GNAQ: variants seen among roughly 807,000 people sequenced by gnomAD.
The protein encoded by GNAQ is guanine nucleotide-binding protein G(q) subunit alpha.
In GNAQ, 8 loss-of-function variants were observed where a neutral mutation model predicts 43.9. The observed-to-expected ratio is 0.18, with a 90% CI of 0.11 to 0.33. The LOEUF (loss-of-function observed/expected upper bound fraction) is 0.33, where lower values mean the gene tolerates loss of function less well. Ranked by LOEUF, GNAQ falls within the 10% of genes least tolerant of loss-of-function variation. The pLI is 1.00. For missense variants in GNAQ, 158 were observed against 450.8 expected, an observed-to-expected ratio of 0.35 and a Z score of 5.88; for synonymous variants, 155 against 170.7, an observed-to-expected ratio of 0.91 and a Z score of 0.71.
At chr9:77,738,822 C>A (rs1005769520) in intron 5 of GNAQ, among the ~76,000 whole-genome samples, 1 of 152,046 alleles carries the variant, frequency 6.6e-6, no homozygotes, top group African/African-American at 2.4e-5. Context: ...GGACTGTGAA[C>A]CCTAGATGTA....
chr9:77,985,797 A>G (rs1564170932), intron 1 of GNAQ, among the ~76,000 whole-genome samples: 1 of 152,054 alleles, frequency 6.6e-6, no homozygotes, highest in Admixed American at 6.5e-5. Context: ...TGTGTTGGTC[A>G]GGCTGGTCTC....
chr9:77,983,351 A>G (rs1823392618), intron 1 of GNAQ, among the ~76,000 whole-genome samples: 1 of 152,134 alleles, frequency 6.6e-6, no homozygotes, highest in Non-Finnish European at 1.5e-5. Context: ...AAAATCTTCT[A>G]AAGGACTTGT....
intron 2 of GNAQ, among the ~76,000 whole-genome samples, chr9:77,862,329 C>A (rs983083372): frequency 1.1e-4 from 16 of 152,182 alleles, no homozygotes; most frequent in Non-Finnish European, 2.2e-4. Flanking sequence ...ATGAGGGCCC[C>A]ACCCTGCAGC....
intron 2 of GNAQ, among the ~76,000 whole-genome samples, chr9:77,863,179 A>AAAGGAAGGAAGGCAGG (rs1827884203): frequency 3.8e-5 from 5 of 130,030 alleles, no homozygotes; most frequent in Admixed American, 8.1e-5. Flanking sequence ...CGTATGAAAG[A>AAAGGAAGGAAGGCAGG]AAGGAAGGAA....
At chr9:78,018,266 A>G (rs1823863563) in intron 1 of GNAQ, among the ~76,000 whole-genome samples, 1 of 152,176 alleles carries the variant, frequency 6.6e-6, no homozygotes, top group Non-Finnish European at 1.5e-5. Flanking sequence ...AAGTCTACAT[A>G]GCCACATAAA....
chr9:77,773,784 GAAT>G (rs1044455384), intron 5 of GNAQ, among the ~76,000 whole-genome samples: 2 of 152,192 alleles, frequency 1.3e-5, no homozygotes, highest in African/African-American at 4.8e-5. Context: ...AACTGAGGCA[GAAT>G]AAGACCTGAA....
chr9:77,745,741 T>A lies in GNAQ; in HGVS notation c.736-17074A>T, dbSNP rs1024523083. ...AAATAAAAAAATTTTAAAAAATATT[T>A]AAAAAATTTCAGAAAAATAAAAAAA... is the stretch of plus-strand genomic sequence containing the variant. On this transcript the variant is annotated intron_variant, in intron 5 of 6. Coordinates refer to ENST00000286548, the MANE Select transcript of GNAQ (RefSeq NM_002072.5). Among the ~76,000 whole-genome samples the A allele has an allele frequency of 2.0e-5, 3 of 151,684 alleles. 1 individual carries two copies. Among genetic ancestry groups the A allele is most frequent in the Middle Eastern group, 6.8e-3 (2 of 294 alleles).
chr9:77,947,470 T>C (rs995567965), intron 1 of GNAQ, among the ~76,000 whole-genome samples: 1 of 152,210 alleles, frequency 6.6e-6, no homozygotes, highest in South Asian at 2.1e-4. Flanking sequence ...TGACTGGTTG[T>C]GTATGCATGT....
intron 5 of GNAQ, among the ~76,000 whole-genome samples, chr9:77,790,430 A>G (rs1826549714): frequency 6.6e-6 from 1 of 152,206 alleles, no homozygotes; most frequent in Admixed American, 6.5e-5. Flanking sequence ...GAGTAACTTC[A>G]AAATGGCTTC....
rs1032225981 is a variant in GNAQ, at chr9:77,717,527, A to T, written c.*3796T>A. 4.3e-6 allele frequency: 1 copy of T among 232,236 alleles called. No homozygotes were observed. The highest frequency in any genetic ancestry group is 2.2e-5 in the African/African-American group (1 of 45,264). 14.4% of individuals were successfully genotyped at this position (232,236 alleles called of 1,614,324 possible). On this transcript the variant is annotated 3_prime_UTR_variant, in exon 7 of 7. Transcript: ENST00000286548. Reference sequence around the variant, plus strand: ...CTTCCCATTATTTATTTTTTTGCAAATAAGTCATTTTGACCCAAATCCAGC... The same window carrying T: ...CTTCCCATTATTTATTTTTTTGCAATTAAGTCATTTTGACCCAAATCCAGC...
At chr9:77,942,934 C>T (rs1388686797) in intron 1 of GNAQ, among the ~76,000 whole-genome samples, 1 of 152,160 alleles carries the variant, frequency 6.6e-6, no homozygotes, top group Non-Finnish European at 1.5e-5. Flanking sequence ...GCACTTGGAT[C>T]CAATAATTAA....
At chr9:77,761,256 C>A in intron 5 of GNAQ, among the ~76,000 whole-genome samples, 1 of 140,408 alleles carries the variant, frequency 7.1e-6, no homozygotes, top group African/African-American at 2.7e-5. Flanking sequence ...GGCCAGCCAC[C>A]CTGTCCGGGA....
rs1045780992 is a variant in GNAQ at position 77,804,957 on chromosome 9, C to T, written c.477-7309G>A. 3.9e-5 allele frequency among the ~76,000 whole-genome samples: 6 copies of T among 152,078 alleles called. No individual in the cohort carries two copies. In the East Asian group the frequency reaches 7.8e-4, roughly 20 times the overall value. On this transcript the variant is annotated intron_variant, in intron 3 of 6. Transcript: ENST00000286548. The stretch of plus-strand genomic sequence containing the variant: ...TTGAAAGCTAGATCATGCCATGAGA[C>T]GGTGTCTGACACTATCAAAAGCACT...
rs1015246425 is a variant in GNAQ at position 78,015,203 on chromosome 9, G to A, written c.136+15897C>T. On this transcript the variant is annotated intron_variant, in intron 1 of 6. Transcript: ENST00000286548. ...ACTTACCACTGTGCTACAAAAGCCC[G>A]CAGCGTTCAGTACAATAACATGCTT... Among the ~76,000 whole-genome samples the A allele has an allele frequency of 2.5e-4, 38 of 152,158 alleles. 1 individual carries two copies. The highest frequency in any genetic ancestry group is 1.7e-3 in the Admixed American group (26 of 15,276).
At chr9:77,997,778 C>A (rs1381473679) in intron 1 of GNAQ, among the ~76,000 whole-genome samples, 2 of 152,136 alleles carry the variant, frequency 1.3e-5, no homozygotes, top group East Asian at 1.9e-4. Flanking sequence ...TCACAGGCAC[C>A]CGGCGGGCAA....
intron 2 of GNAQ, among the ~76,000 whole-genome samples, chr9:77,894,540 A>G (rs1391010577): frequency 6.6e-6 from 1 of 150,512 alleles, no homozygotes; most frequent in African/African-American, 2.4e-5. Flanking sequence ...CTCCTGCCTC[A>G]GCCTCCCGAG....
chr9:77,903,218 C>T (rs964452192), intron 2 of GNAQ, among the ~76,000 whole-genome samples: 1 of 152,072 alleles, frequency 6.6e-6, no homozygotes, highest in Non-Finnish European at 1.5e-5. Context: ...AGCCCCAGAT[C>T]CCACTCCATA....
intron 4 of GNAQ, among the ~76,000 whole-genome samples, chr9:77,795,915 A>G (rs1182751601): frequency 6.6e-6 from 1 of 152,238 alleles, no homozygotes; most frequent in Non-Finnish European, 1.5e-5. Flanking sequence ...CGTGGAAAAA[A>G]CAACATGTAA....
chr9:77,871,913 A>G (rs1189041833), intron 2 of GNAQ, among the ~76,000 whole-genome samples: 6 of 152,210 alleles, frequency 3.9e-5, no homozygotes, highest in Admixed American at 3.9e-4. Context: ...ATGAAAGGGC[A>G]TAAGGGTAGA....
Sources: allele counts gnomAD v4.1 joint callset (sites outside exome capture counted in the v4.1 genomes callset), GRCh38; gene constraint gnomAD v4.1.1; transcripts MANE v1.5; gene names NCBI Gene and HGNC (gene_info 2026-07-23, HGNC 2026-07-21).